ERBB4: variants seen among roughly 807,000 people sequenced by gnomAD.
The protein encoded by ERBB4 is erb-b2 receptor tyrosine kinase 4, also known as receptor tyrosine-protein kinase erbB-4.
A neutral mutation model predicts 158.0 loss-of-function variants in ERBB4; 42 were observed. The observed-to-expected ratio is 0.27, with a 90% CI of 0.21 to 0.34. ERBB4 has a LOEUF of 0.34. Among genes scored for constraint, ERBB4 ranks in the 10% least tolerant of loss-of-function variants. The pLI is 1.00. For missense variants in ERBB4, 1,333 were observed against 1,624.1 expected (o/e 0.82, Z 3.08); for synonymous variants, 583 against 558.7 (o/e 1.04, Z -0.61).
chr2:212,267,902 T>C (rs2106109153), intron 1 of ERBB4, among the ~76,000 whole-genome samples: 1 of 151,966 alleles, frequency 6.6e-6, no homozygotes, highest in Middle Eastern at 3.4e-3. Context: ...ATTTATCATA[T>C]TAGGTAATTC....
At chr2:211,449,126 G>C (rs1334936415) in intron 20 of ERBB4, among the ~76,000 whole-genome samples, 1 of 152,014 alleles carries the variant, frequency 6.6e-6, no homozygotes, top group Non-Finnish European at 1.5e-5. Flanking sequence ...TAGTATTTAA[G>C]ATATTGCTGA....
At chr2:211,800,040 A>T (rs140942005) in intron 3 of ERBB4, among the ~76,000 whole-genome samples, 192 of 152,308 alleles carry the variant, frequency 1.3e-3, no homozygotes, top group African/African-American at 4.5e-3. Flanking sequence ...AATTATTCAC[A>T]ATCACTAAAT....
chr2:212,309,898 TA>T (rs923379319), intron 1 of ERBB4, among the ~76,000 whole-genome samples: 16 of 149,958 alleles, frequency 1.1e-4, no homozygotes, highest in East Asian at 9.8e-4. Context: ...TCCTATATAA[TA>T]AAAAAAAACT....
chr2:212,227,244 C>T (rs867345022), intron 1 of ERBB4, among the ~76,000 whole-genome samples: 202 of 137,176 alleles, frequency 1.5e-3, no homozygotes, highest in Middle Eastern at 0.014. Flanking sequence ...GACTCCACCT[C>T]AAAAAAAAAA....
At chr2:212,258,082 A>G (rs1354394862) in intron 1 of ERBB4, among the ~76,000 whole-genome samples, 4 of 152,158 alleles carry the variant, frequency 2.6e-5, no homozygotes, top group Non-Finnish European at 4.4e-5. Flanking sequence ...TGTGTACAAA[A>G]CTATTTATAG....
chr2:211,704,022 A>G lies in ERBB4; in HGVS notation c.1289+82T>C, dbSNP rs541116409. ...TTTCCCCAGAATCAGTAAATCAATA[A>G]GAGTGATAGTTTTGACTTAATGCAC... On this transcript the variant is annotated intron_variant, in intron 11 of 27. Coordinates refer to ENST00000342788, the MANE Select transcript of ERBB4 (RefSeq NM_005235.3). 18 of 833,824 alleles carry G rather than the reference A, an allele frequency of 2.2e-5. No homozygotes were observed. The East Asian group carries it at 3.4e-4, about 16-fold the overall frequency. 51.7% of individuals were successfully genotyped at this position (833,824 alleles called of 1,614,324 possible). A position where few individuals can be genotyped will look rare whatever the true frequency, so the allele number is the denominator to read the frequency against.
At chr2:211,768,424 G>A (rs1014899689) in intron 4 of ERBB4, among the ~76,000 whole-genome samples, 2 of 152,246 alleles carry the variant, frequency 1.3e-5, no homozygotes, top group African/African-American at 4.8e-5. Flanking sequence ...GGGACTCTGT[G>A]TGGGGGCTAC....
At chr2:212,096,610 T>C (rs2078940988) in intron 2 of ERBB4, among the ~76,000 whole-genome samples, 3 of 152,218 alleles carry the variant, frequency 2.0e-5, no homozygotes, top group Admixed American at 6.5e-5. Context: ...ATACATGTCA[T>C]GCATTATCTA....
chr2:211,450,185 G>C lies in ERBB4; in HGVS notation c.2488-19085C>G, dbSNP rs565508274. Among the ~76,000 whole-genome samples, 51 of 152,298 alleles carry C rather than the reference G, an allele frequency of 3.3e-4. No homozygotes were observed. In the South Asian group the frequency reaches 3.5e-3, roughly 11 times the overall value. ...AAATTATGAAACTTGGTGAGCCTAT[G>C]AGAGAGCTAATGGAGGTGGGCAGAA... On this transcript the variant is annotated intron_variant, in intron 20 of 27. Coordinates refer to ENST00000342788, the MANE Select transcript of ERBB4 (RefSeq NM_005235.3).
At chr2:212,072,963 A>G (rs1171100262) in intron 2 of ERBB4, among the ~76,000 whole-genome samples, 5 of 151,942 alleles carry the variant, frequency 3.3e-5, no homozygotes, top group African/African-American at 7.2e-5. Context: ...AACAACAACA[A>G]CTGGACTGAG....
chr2:211,855,689 G>A (rs1015077861), intron 3 of ERBB4, among the ~76,000 whole-genome samples: 4 of 152,058 alleles, frequency 2.6e-5, no homozygotes, highest in Admixed American at 2.6e-4. Context: ...TAGGCATACT[G>A]TGTACTGTAG....
chr2:211,752,393 T>C (rs1166041583), intron 4 of ERBB4, among the ~76,000 whole-genome samples: 2 of 151,512 alleles, frequency 1.3e-5, no homozygotes, highest in Non-Finnish European at 2.9e-5. Context: ...AGTTGAAGCA[T>C]AAGATAATCT....
intron 16 of ERBB4, among the ~76,000 whole-genome samples, chr2:211,644,313 C>T (rs1425446326): frequency 6.6e-6 from 1 of 152,008 alleles, no homozygotes; most frequent in Non-Finnish European, 1.5e-5. Flanking sequence ...CCTTTCTAAA[C>T]TTATATAAAC....
chr2:212,390,587 C>T (rs577112071), intron 1 of ERBB4, among the ~76,000 whole-genome samples: 1 of 151,772 alleles, frequency 6.6e-6, no homozygotes, highest in South Asian at 2.1e-4. Flanking sequence ...ATGCTATGTC[C>T]TTCAATATAT....
chr2:211,622,231 A>C (rs1453770445), intron 18 of ERBB4, among the ~76,000 whole-genome samples: 1 of 152,234 alleles, frequency 6.6e-6, no homozygotes, highest in African/African-American at 2.4e-5. Context: ...TTAAGGATAT[A>C]AAATGATACA....
At chr2:212,488,329 C>T (rs28642251) in intron 1 of ERBB4, among the ~76,000 whole-genome samples, 1 of 151,204 alleles carries the variant, frequency 6.6e-6, no homozygotes, top group African/African-American at 2.4e-5. Flanking sequence ...CTCTCTCTCT[C>T]TCTCTCTCTC....
intron 16 of ERBB4, among the ~76,000 whole-genome samples, chr2:211,649,466 T>G (rs2070900520): frequency 6.6e-6 from 1 of 151,906 alleles, no homozygotes; most frequent in Non-Finnish European, 1.5e-5. Context: ...TTTGGTCCTT[T>G]CTTTCCTGGT....
At chr2:212,096,661 T>C (rs1229127618) in intron 2 of ERBB4, among the ~76,000 whole-genome samples, 1 of 152,214 alleles carries the variant, frequency 6.6e-6, no homozygotes, top group Non-Finnish European at 1.5e-5. Flanking sequence ...TTATTTTTGC[T>C]AGTTGCAGGT....
chr2:211,425,380 A>C (rs917414259), intron 22 of ERBB4, among the ~76,000 whole-genome samples: 3 of 116,234 alleles, frequency 2.6e-5, no homozygotes, highest in African/African-American at 1.5e-4. Context: ...GGAATTTAAA[A>C]TTATTCTTTC....
Sources: gnomAD v4.1 joint callset for allele counts (sites outside exome capture counted in the v4.1 genomes callset) on GRCh38, gnomAD v4.1.1 for gene constraint, MANE v1.5 for transcripts, NCBI Gene and HGNC (gene_info 2026-07-23, HGNC 2026-07-21) for gene names.